Variants in LGSN observed in about 807,000 individuals in gnomAD.
The protein encoded by LGSN is lengsin.
LGSN carries 21 observed loss-of-function variants against 19.5 expected under a neutral mutation model. That is an observed-to-expected ratio of 1.07 (90% CI 0.76 to 1.55). The LOEUF (loss-of-function observed/expected upper bound fraction) is 1.55. LGSN is among the 40% of genes most tolerant of loss of function. The probability of loss-of-function intolerance (pLI) is 0.00; values close to 1 mark genes in which losing one functional copy is unlikely to be tolerated. For synonymous variants in LGSN, 257 were observed against 215.6 expected (o/e 1.19, Z -1.68); for missense variants, 673 against 608.5 (o/e 1.11, Z -1.12).
At chr6:63,387,291 A>G in the LGSN span, among the ~76,000 whole-genome samples, 1 of 152,142 alleles carries the variant, frequency 6.6e-6, no homozygotes, top group African/African-American at 2.4e-5. Context: ...GATCAAAAAT[A>G]TTCAGGAAAA....
chr6:63,505,633 G>GAAAGAAAGAAATAAAT, the LGSN span, among the ~76,000 whole-genome samples: 346 of 97,212 alleles, frequency 3.6e-3, 44 homozygotes, highest in African/African-American at 9.7e-3. Context: ...AAGAAAGAAA[G>GAAAGAAAGAAATAAAT]AAATTCTGGC....
At chr6:63,326,149 T>C in the LGSN span, among the ~76,000 whole-genome samples, 14 of 152,192 alleles carry the variant, frequency 9.2e-5, no homozygotes, top group East Asian at 2.7e-3. Context: ...GAGTGTCGAT[T>C]GGTGCGTTCA....
chr6:63,535,132 T>C, the LGSN span, among the ~76,000 whole-genome samples: 1 of 151,920 alleles, frequency 6.6e-6, no homozygotes, highest in East Asian at 1.9e-4. Flanking sequence ...ATACATGGGG[T>C]GTGGTCCCTG....
chr6:63,336,795 A>T, the LGSN span, among the ~76,000 whole-genome samples: 1 of 151,400 alleles, frequency 6.6e-6, no homozygotes, highest in Non-Finnish European at 1.5e-5. Context: ...CGCCCTGCTA[A>T]TTTTTGTATT....
At chr6:63,323,175 C>T (rs1430674275), upstream of LGSN, among the ~76,000 whole-genome samples, 1 of 152,134 alleles carries the variant, frequency 6.6e-6, no homozygotes, top group Non-Finnish European at 1.5e-5. Flanking sequence ...CTTGCAATCA[C>T]ATATAATAAG....
the LGSN span, among the ~76,000 whole-genome samples, chr6:63,385,329 A>G: frequency 6.6e-6 from 1 of 152,232 alleles, no homozygotes; most frequent in Non-Finnish European, 1.5e-5. Context: ...TATACATAAA[A>G]CAAAAACTTA....
chr6:63,536,404 C>T, the LGSN span, among the ~76,000 whole-genome samples: 263 of 152,256 alleles, frequency 1.7e-3, no homozygotes, highest in African/African-American at 6.2e-3. Context: ...TATCCCTCTG[C>T]TTTACTGGTA....
At chr6:63,567,559 T>C in the LGSN span, among the ~76,000 whole-genome samples, 1 of 152,346 alleles carries the variant, frequency 6.6e-6, no homozygotes. Context: ...CCAGGTTTTG[T>C]TCTTCCACTT....
intron 1 of LGSN, among the ~76,000 whole-genome samples, chr6:63,315,602 T>TTCTC (rs539021063): frequency 0.015 from 1,902 of 129,334 alleles, 49 homozygotes; most frequent in African/African-American, 0.052. Context: ...AGCTAAAATG[T>TTCTC]TCTCTCTCTC....
At chr6:63,383,019 G>A in the LGSN span, among the ~76,000 whole-genome samples, 4 of 152,092 alleles carry the variant, frequency 2.6e-5, no homozygotes, top group African/African-American at 9.7e-5. Context: ...ATAGCTACAG[G>A]CATATGTATC....
At chr6:63,565,447 TA>T in the LGSN span, among the ~76,000 whole-genome samples, 51 of 149,128 alleles carry the variant, frequency 3.4e-4, no homozygotes, top group South Asian at 6.3e-4. Flanking sequence ...AAATAGACTT[TA>T]AAAAAAAAAG....
the LGSN span, among the ~76,000 whole-genome samples, chr6:63,366,683 C>T: frequency 1.3e-5 from 2 of 152,154 alleles, no homozygotes; most frequent in South Asian, 2.1e-4. Flanking sequence ...TACCTGACTT[C>T]AAACTATACT....
At chr6:63,400,809 C>T in the LGSN span, among the ~76,000 whole-genome samples, 2 of 152,160 alleles carry the variant, frequency 1.3e-5, no homozygotes, top group Admixed American at 1.3e-4. Context: ...GCCTGGACAA[C>T]ATGGTGAAAC....
At chr6:63,522,273 T>C in the LGSN span, among the ~76,000 whole-genome samples, 1 of 152,228 alleles carries the variant, frequency 6.6e-6, no homozygotes, top group Non-Finnish European at 1.5e-5. Context: ...CTTATTTGAA[T>C]TTAGATGAAT....
chr6:63,491,207 A>G, the LGSN span, among the ~76,000 whole-genome samples: 1 of 152,318 alleles, frequency 6.6e-6, no homozygotes, highest in African/African-American at 2.4e-5. Flanking sequence ...CTGAAAGCTG[A>G]GAGGTCACCA....
the LGSN span, among the ~76,000 whole-genome samples, chr6:63,456,469 G>A: frequency 1.4e-5 from 2 of 145,870 alleles, no homozygotes; most frequent in Non-Finnish European, 3.0e-5. Flanking sequence ...AGACTCAAGC[G>A]CCCCTCAGCC....
chr6:63,388,977 A>C, the LGSN span, among the ~76,000 whole-genome samples: 1 of 152,340 alleles, frequency 6.6e-6, no homozygotes, highest in Non-Finnish European at 1.5e-5. Context: ...AATGCACAGA[A>C]AGTAGTAACT....
At chr6:63,550,382 G>A in the LGSN span, 1 of 152,158 alleles carries the variant, frequency 6.6e-6, no homozygotes, top group African/African-American at 2.4e-5. Flanking sequence ...TGAGGGTGAA[G>A]CTACAAAGGT....
At chr6:63,513,477 G>T in the LGSN span, among the ~76,000 whole-genome samples, 1 of 152,038 alleles carries the variant, frequency 6.6e-6, no homozygotes, top group Non-Finnish European at 1.5e-5. Flanking sequence ...GTTTGCCGTA[G>T]TCCCCTTTTC....
Sources: gnomAD v4.1 joint callset for allele counts (sites outside exome capture counted in the v4.1 genomes callset) on GRCh38, gnomAD v4.1.1 for gene constraint, MANE v1.5 for transcripts, NCBI Gene and HGNC (gene_info 2026-07-23, HGNC 2026-07-21) for gene names.